Variants in NBAS observed in about 807,000 individuals in gnomAD.
NBAS encodes NAG/BC035112 fusion.
Under a neutral mutation model 302.5 loss-of-function variants are expected in NBAS, and 219 were observed. The observed-to-expected ratio is 0.72, with a 90% CI of 0.65 to 0.81. The LOEUF is 0.81. Ranked by LOEUF, NBAS falls within the 30% of genes least tolerant of loss-of-function variation. The pLI is 0.00. For synonymous variants in NBAS, 1,118 were observed against 1,021.6 expected (o/e 1.09, Z -1.80); for missense variants, 2,932 against 2,841.6 (o/e 1.03, Z -0.72).
rs147434584 is a variant in NBAS, at chr2:15,211,386, C to T, written c.6432+7387G>A. 1.8e-3 allele frequency among the ~76,000 whole-genome samples: 281 copies of T among 152,218 alleles called. 2 individuals are homozygous for T. The highest frequency in any genetic ancestry group is 6.2e-3 in the African/African-American group (258 of 41,536). On this transcript the variant is annotated intron_variant, in intron 48 of 51. Transcript: ENST00000281513. Reference sequence around the variant, plus strand: ...TTATGTGTAAATTGGATGACAGTATCGAAACAATGTAGCTTTGTTATCTTA... The same window carrying T: ...TTATGTGTAAATTGGATGACAGTATTGAAACAATGTAGCTTTGTTATCTTA...
chr2:15,443,813 T>G (rs547295056), intron 21 of NBAS, among the ~76,000 whole-genome samples: 2 of 151,988 alleles, frequency 1.3e-5, no homozygotes, highest in Non-Finnish European at 1.5e-5. Flanking sequence ...AGTCTCAGGA[T>G]ACAAAATCAA....
the NBAS span, among the ~76,000 whole-genome samples, chr2:14,822,678 G>T: frequency 1.1e-4 from 16 of 152,098 alleles, no homozygotes; most frequent in Non-Finnish European, 1.8e-4. Flanking sequence ...CCCATCACAC[G>T]GTGTAACCTC....
At chr2:15,072,875 C>T in the NBAS span, among the ~76,000 whole-genome samples, 1 of 152,160 alleles carries the variant, frequency 6.6e-6, no homozygotes. Context: ...ATGCCTGTAA[C>T]CCCAACACTT....
At chr2:15,071,145 C>T in the NBAS span, among the ~76,000 whole-genome samples, 33 of 152,306 alleles carry the variant, frequency 2.2e-4, no homozygotes, top group Admixed American at 9.8e-4. Flanking sequence ...ATGTTCCCAA[C>T]CCAGGGAAAC....
At chr2:14,858,406 C>G in the NBAS span, among the ~76,000 whole-genome samples, 1 of 152,028 alleles carries the variant, frequency 6.6e-6, no homozygotes, top group African/African-American at 2.4e-5. Flanking sequence ...TTGGAAGCAA[C>G]CTAAGTGTCC....
the NBAS span, among the ~76,000 whole-genome samples, chr2:14,849,341 T>C: frequency 6.6e-6 from 1 of 151,044 alleles, no homozygotes; most frequent in Admixed American, 6.6e-5. Flanking sequence ...CAATGGAAGA[T>C]GAAATGAATG....
chr2:14,796,690 C>A, the NBAS span, among the ~76,000 whole-genome samples: 1 of 151,934 alleles, frequency 6.6e-6, no homozygotes, highest in Non-Finnish European at 1.5e-5. Context: ...GCCTGAAAAA[C>A]AAGCTGCTGG....
the NBAS span, among the ~76,000 whole-genome samples, chr2:14,814,555 A>G: frequency 6.6e-6 from 1 of 152,196 alleles, no homozygotes; most frequent in East Asian, 1.9e-4. Context: ...CAATTTCTCC[A>G]TTTTAGAACA....
the NBAS span, among the ~76,000 whole-genome samples, chr2:15,024,124 A>C: frequency 6.6e-6 from 1 of 151,074 alleles, no homozygotes; most frequent in African/African-American, 2.4e-5. Flanking sequence ...CCCTCCTCCC[A>C]CCCTCCTTTC....
intron 28 of NBAS, 93 bp downstream of exon 28, chr2:15,394,134 G>A: frequency 7.4e-7 from 1 of 1,348,906 alleles, no homozygotes; most frequent in Non-Finnish European, 1.0e-6. Flanking sequence ...TTTATTATTA[G>A]TTATAACACA....
At chr2:15,104,972 C>G in the NBAS span, among the ~76,000 whole-genome samples, 4 of 151,948 alleles carry the variant, frequency 2.6e-5, no homozygotes, top group African/African-American at 9.7e-5. Flanking sequence ...TTTATTGCAG[C>G]ACTATCCACA....
chr2:14,830,383 G>T, the NBAS span, among the ~76,000 whole-genome samples: 1 of 152,096 alleles, frequency 6.6e-6, no homozygotes, highest in East Asian at 1.9e-4. Flanking sequence ...ACCCTGATTG[G>T]TTTCTAGCAC....
At chr2:14,779,534 C>G in the NBAS span, among the ~76,000 whole-genome samples, 1 of 152,174 alleles carries the variant, frequency 6.6e-6, no homozygotes, top group Non-Finnish European at 1.5e-5. Flanking sequence ...TCAAACCCAC[C>G]AGGCTGGCTC....
chr2:15,190,280 T>A lies in NBAS; in HGVS notation c.6556A>T (p.Met2186Leu). The A allele has an allele frequency of 1.9e-6, 3 of 1,613,926 alleles. No homozygotes were observed. The highest frequency in any genetic ancestry group is 2.5e-6 in the Non-Finnish European group (3 of 1,179,884). The change falls in exon 49 of 52, where the codon ATG (methionine) becomes TTG (leucine). Residue 2186 changes from methionine to leucine, a missense_variant. Transcript: ENST00000281513. ...LVLLLQAWPP[M>L]KSEYVITNNP... is the part of the protein sequence containing the mutation. ...AATACTTACACATATTCACTTTTCA[T>A]AGGTGGCCAAGCTTGCAAAAGTAAA...
chr2:15,406,116 C>CATAAAAAAAAAAAAAAAA (rs1676400392), intron 25 of NBAS, among the ~76,000 whole-genome samples: 5 of 134,520 alleles, frequency 3.7e-5, no homozygotes, highest in South Asian at 2.3e-4. Context: ...AAAAAAAAAA[C>CATAAAAAAAAAAAAAAAA]AAAACAAAAA....
intron 38 of NBAS, among the ~76,000 whole-genome samples, chr2:15,319,176 A>C (rs1671665961): frequency 6.6e-6 from 1 of 152,184 alleles, no homozygotes; most frequent in Non-Finnish European, 1.5e-5. Context: ...TGAAGGCAGA[A>C]ATAAAGATGT....
At chr2:15,506,864 C>T (rs911377437) in intron 10 of NBAS, among the ~76,000 whole-genome samples, 4 of 151,878 alleles carry the variant, frequency 2.6e-5, no homozygotes, top group Non-Finnish European at 5.9e-5. Flanking sequence ...TGAAAGAATA[C>T]GAAGAAAACA....
intron 50 of NBAS, among the ~76,000 whole-genome samples, chr2:15,184,957 G>C (rs965670816): frequency 3.9e-5 from 6 of 152,164 alleles, no homozygotes; most frequent in African/African-American, 7.2e-5. Context: ...TGATCATCTA[G>C]ATGCTAAATT....
chr2:15,069,450 T>C, the NBAS span, among the ~76,000 whole-genome samples: 2 of 152,254 alleles, frequency 1.3e-5, no homozygotes, highest in East Asian at 3.9e-4. Context: ...TCCTAAGTCA[T>C]GCTAATGAGT....
Sources: allele counts gnomAD v4.1 joint callset (sites outside exome capture counted in the v4.1 genomes callset), GRCh38; gene constraint gnomAD v4.1.1; transcripts MANE v1.5; gene names NCBI Gene and HGNC (gene_info 2026-07-23, HGNC 2026-07-21).